The following CCDC175 variants were observed in gnomAD, a reference collection of about 807,000 sequenced individuals.
The protein encoded by CCDC175 is coiled-coil domain containing 175.
In CCDC175, 100 loss-of-function variants were observed where a neutral mutation model predicts 114.6. That is an observed-to-expected ratio of 0.87 (90% CI 0.74 to 1.03). The LOEUF (loss-of-function observed/expected upper bound fraction) is 1.03, where lower values mean the gene tolerates loss of function less well. Among genes scored for constraint, CCDC175 ranks in the 50% least tolerant of loss-of-function variants. The pLI, the probability that CCDC175 is intolerant of heterozygous loss-of-function variation, is 0.00. For synonymous variants in CCDC175, 306 were observed against 308.7 expected, an observed-to-expected ratio of 0.99 and a Z score of 0.09; for missense variants, 880 against 917.8, an observed-to-expected ratio of 0.96 and a Z score of 0.53.
In CCDC175 at chr14:59,555,198, C is replaced by T. The variant is rs570212156; in HGVS notation, c.954-3762G>A. Among the ~76,000 whole-genome samples, 27 of 152,180 alleles carry T rather than the reference C, an allele frequency of 1.8e-4. No homozygotes were observed. In the South Asian group the frequency reaches 4.4e-3, roughly 25 times the overall value. On this transcript the variant is annotated intron_variant, in intron 7 of 19. Transcript: ENST00000537690. ...TTAGACCAATATCCCTGATGAACATCGATGAAAAAATCCTCAATAAAATAC... is the reference window on the plus strand; with the variant it reads ...TTAGACCAATATCCCTGATGAACATTGATGAAAAAATCCTCAATAAAATAC...
At chr14:59,513,536 G>C (rs1892872622) in intron 17 of CCDC175, among the ~76,000 whole-genome samples, 1 of 152,318 alleles carries the variant, frequency 6.6e-6, no homozygotes, top group South Asian at 2.1e-4. Flanking sequence ...GCCTGGCTTG[G>C]AGGGTCCTAT....
intron 8 of CCDC175, among the ~76,000 whole-genome samples, chr14:59,546,949 T>G (rs895757147): frequency 1.3e-5 from 2 of 152,024 alleles, no homozygotes; most frequent in Admixed American, 6.6e-5. Context: ...GCAATCAAAA[T>G]CTACTATAGG....
chr14:59,526,287 C>T (rs577576165), intron 15 of CCDC175, among the ~76,000 whole-genome samples: 1 of 151,916 alleles, frequency 6.6e-6, no homozygotes, highest in East Asian at 1.9e-4. Context: ...CTATATATTC[C>T]TTCATATTTT....
chr14:59,513,803 G>C (rs1229049270), intron 17 of CCDC175, among the ~76,000 whole-genome samples: 2 of 152,222 alleles, frequency 1.3e-5, no homozygotes, highest in Non-Finnish European at 2.9e-5. Flanking sequence ...CTGTCTGACA[G>C]CTTTGAAGAG....
At chr14:59,543,528 G>T in intron 9 of CCDC175, 74 bp from the exon 10 acceptor site, 1 of 501,776 alleles carries the variant, frequency 2.0e-6, no homozygotes, top group Non-Finnish European at 3.3e-6. Flanking sequence ...TTCAAAAATA[G>T]TTTTGAAAGT....
intron 1 of CCDC175, 39 bp downstream of exon 1, chr14:59,576,580 T>G: frequency 1.4e-6 from 2 of 1,390,356 alleles, no homozygotes; most frequent in Non-Finnish European, 1.9e-6. Context: ...GCGCCACCTC[T>G]GAGGAGACGT....
intron 7 of CCDC175, among the ~76,000 whole-genome samples, chr14:59,557,019 G>T (rs149408817): frequency 6.6e-6 from 1 of 152,182 alleles, no homozygotes. Context: ...CTGTTGGTGG[G>T]ACTGTAAACT....
At chr14:59,562,789 G>A (rs962515847) in intron 6 of CCDC175, among the ~76,000 whole-genome samples, 37 of 152,206 alleles carry the variant, frequency 2.4e-4, no homozygotes, top group Non-Finnish European at 1.0e-4. Flanking sequence ...TGGGCATGCA[G>A]ATAGAATACG....
intron 17 of CCDC175, among the ~76,000 whole-genome samples, chr14:59,513,120 T>C (rs1210062374): frequency 2.6e-5 from 4 of 152,162 alleles, no homozygotes; most frequent in Admixed American, 2.6e-4. Context: ...ACTGGATGTG[T>C]GTAAGAGAAA....
intron 11 of CCDC175, among the ~76,000 whole-genome samples, chr14:59,540,009 TGCA>T (rs1894671923): frequency 6.6e-6 from 1 of 152,086 alleles, no homozygotes; most frequent in Non-Finnish European, 1.5e-5. Context: ...AGGCAGAGGT[TGCA>T]GTGTGCCGAG....
At chr14:59,576,561 G>T in intron 1 of CCDC175, 58 bp downstream of exon 1, 1 of 1,350,288 alleles carries the variant, frequency 7.4e-7, no homozygotes, top group Non-Finnish European at 9.5e-7. Context: ...CCCGCTGAGT[G>T]CCTCCTAAGC....
intron 17 of CCDC175, among the ~76,000 whole-genome samples, chr14:59,512,377 T>G (rs1892804074): frequency 6.6e-6 from 1 of 152,148 alleles, no homozygotes; most frequent in Non-Finnish European, 1.5e-5. Flanking sequence ...CTGACCATCT[T>G]CCCGCCCCAT....
chr14:59,540,996 G>C (rs1723086753), intron 10 of CCDC175, among the ~76,000 whole-genome samples: 1 of 152,160 alleles, frequency 6.6e-6, no homozygotes, highest in South Asian at 2.1e-4. Flanking sequence ...GGAGGCAACT[G>C]ATGAAGGGTT....
In CCDC175 at chr14:59,551,337, T is replaced by C. The variant is rs1342639526; in HGVS notation, c.1035+18A>G. The C allele has an allele frequency of 6.2e-6, 7 of 1,134,060 alleles. No homozygotes were observed. Among genetic ancestry groups the C allele is most frequent in the Non-Finnish European group, 8.4e-6 (7 of 829,492 alleles). 70.2% of individuals were successfully genotyped at this position (1,134,060 alleles called of 1,614,324 possible). On this transcript the variant is annotated intron_variant, in intron 8 of 19. Transcript: ENST00000537690. Reference sequence around the variant, plus strand: ...AAATGTAATTATAATGTAAAAGTCATGACTTCTGCCTTCTTACCTGTTTTA... The same window carrying C: ...AAATGTAATTATAATGTAAAAGTCACGACTTCTGCCTTCTTACCTGTTTTA...
At position 59,563,260 on chromosome 14, in the gene CCDC175, A is replaced by C. The variant is rs567976660; in HGVS notation, c.843+477T>G. Among the ~76,000 whole-genome samples, 34 of 152,292 alleles carry C rather than the reference A, an allele frequency of 2.2e-4. No individual in the cohort carries two copies. In the East Asian group the frequency reaches 6.6e-3, roughly 29 times the overall value. ...TAAATGTTATCACAATTTTTTTGAC[A>C]GAAGTACAGAGCTCTGATGTATTTT... is the stretch of plus-strand genomic sequence containing the variant. On this transcript the variant is annotated intron_variant, in intron 6 of 19. Coordinates refer to ENST00000537690, the MANE Select transcript of CCDC175 (RefSeq NM_001164399.2).
chr14:59,567,949 T>C (rs1398451854), intron 4 of CCDC175, among the ~76,000 whole-genome samples: 1 of 152,230 alleles, frequency 6.6e-6, no homozygotes, highest in Non-Finnish European at 1.5e-5. Flanking sequence ...CCTTTGGATG[T>C]AGCATTAGAG....
Position 59,510,680 on chromosome 14 carries a change from C to T in CCDC175, c.2271G>A (p.Leu757=). ...CCATTGGTGATTCCTGTTCCACAAG[C>T]AAACGCAGCCCTTCAAGACTCCCTC... is the stretch of plus-strand genomic sequence containing the variant. The part of the protein sequence containing the change: ...WLRGSLEGLR[L]LVEQESPMDL... Residue 757 remains leucine (L), a synonymous_variant, in exon 19 of 20, where the codon TTG becomes TTA. Coordinates refer to ENST00000537690, the MANE Select transcript of CCDC175 (RefSeq NM_001164399.2). 2.6e-6 allele frequency: 4 copies of T among 1,537,204 alleles called. No individual in the cohort carries two copies. The highest frequency in any genetic ancestry group is 1.2e-5 in the South Asian group (1 of 84,062).
At position 59,521,781 on chromosome 14, in the gene CCDC175, C is replaced by T. The variant is rs981838719; in HGVS notation, c.1996-105G>A. ...GTATAAATTCCTCCTCTGCGCCACC[C>T]ACTATTCTAGGTACAGGGGTAACAG... On this transcript the variant is annotated intron_variant, in intron 16 of 19. Coordinates refer to ENST00000537690, the MANE Select transcript of CCDC175 (RefSeq NM_001164399.2). The T allele has an allele frequency of 1.8e-4, 117 of 668,308 alleles. 3 individuals are homozygous for T. The highest frequency in any genetic ancestry group is 1.5e-3 in the South Asian group (82 of 54,994). 41.4% of individuals were successfully genotyped at this position (668,308 alleles called of 1,614,324 possible).
chr14:59,506,735 T>C (rs1225032124), intron 19 of CCDC175, among the ~76,000 whole-genome samples: 1 of 152,210 alleles, frequency 6.6e-6, no homozygotes, highest in East Asian at 1.9e-4. Context: ...TTGATTCTGC[T>C]TTAATTATAA....
Sources: allele counts gnomAD v4.1 joint callset (sites outside exome capture counted in the v4.1 genomes callset), GRCh38; gene constraint gnomAD v4.1.1; transcripts MANE v1.5; gene names NCBI Gene and HGNC (gene_info 2026-07-23, HGNC 2026-07-21).